Variants in XPNPEP1 observed in about 807,000 individuals in gnomAD.
XPNPEP1 encodes X-prolyl aminopeptidase 1, also known as xaa-Pro aminopeptidase 1.
Under a neutral mutation model 92.4 loss-of-function variants are expected in XPNPEP1, and 39 were observed. That is an observed-to-expected ratio of 0.42 (90% CI 0.33 to 0.55). The LOEUF (loss-of-function observed/expected upper bound fraction) is 0.55. Among genes scored for constraint, XPNPEP1 ranks in the 20% least tolerant of loss-of-function variants. The pLI is 0.08. For missense variants in XPNPEP1, 654 were observed against 856.1 expected (o/e 0.76, Z 2.95); for synonymous variants, 307 against 299.4 (o/e 1.03, Z -0.26).
chr10:109,904,902 C>T (rs1264806757), intron 3 of XPNPEP1, among the ~76,000 whole-genome samples: 1 of 152,164 alleles, frequency 6.6e-6, no homozygotes, highest in Non-Finnish European at 1.5e-5. Context: ...GGCAATCTCA[C>T]TTGTGGGCAT....
intron 2 of XPNPEP1, among the ~76,000 whole-genome samples, chr10:109,911,604 TTTA>T (rs1849877865): frequency 2.0e-5 from 3 of 152,170 alleles, no homozygotes; most frequent in African/African-American, 7.2e-5. Flanking sequence ...TCAGAATAGA[TTTA>T]TTGTGTTTTC....
At chr10:109,914,202 G>C (rs968936731) in intron 2 of XPNPEP1, among the ~76,000 whole-genome samples, 2 of 152,062 alleles carry the variant, frequency 1.3e-5, no homozygotes, top group Non-Finnish European at 2.9e-5. Context: ...CAACCCATCA[G>C]ACAATTAACC....
chr10:109,918,753 A>C (rs957192145), intron 1 of XPNPEP1, among the ~76,000 whole-genome samples: 6 of 151,236 alleles, frequency 4.0e-5, no homozygotes, highest in African/African-American at 1.5e-4. Context: ...AGAGCAAGAG[A>C]AAAGGAAAGA....
At chr10:109,919,044 T>A (rs564043002) in intron 1 of XPNPEP1, among the ~76,000 whole-genome samples, 1 of 152,198 alleles carries the variant, frequency 6.6e-6, no homozygotes, top group Admixed American at 6.5e-5. Flanking sequence ...GTAAAACTCT[T>A]ATAGCGCAAC....
chr10:109,912,031 TCTGCTTC>T (rs1237858255), intron 2 of XPNPEP1, among the ~76,000 whole-genome samples: 1 of 152,204 alleles, frequency 6.6e-6, no homozygotes, highest in Non-Finnish European at 1.5e-5. Flanking sequence ...AAAAACATCC[TCTGCTTC>T]CTGGTCATCA....
At chr10:109,912,645 G>A (rs1431074557) in intron 2 of XPNPEP1, among the ~76,000 whole-genome samples, 1 of 152,206 alleles carries the variant, frequency 6.6e-6, no homozygotes, top group Non-Finnish European at 1.5e-5. Flanking sequence ...TGTATAAGGA[G>A]TAAATGAGTT....
Position 109,893,013 on chromosome 10 carries a change from C to T in XPNPEP1, c.309G>A (p.Ala103=), listed in dbSNP as rs1259393491. ...RAFVSGFDGS[A]GTAIITEEHA... ...AACAGAGAAAAAGTAGTGACTCACC[C>T]GCAGAGCCATCGAATCCAGAGACAA... Residue 103 remains alanine (A), a splice_region_variant and synonymous_variant, in exon 4 of 21, where the codon GCG becomes GCA. Coordinates refer to ENST00000502935, the MANE Select transcript of XPNPEP1 (RefSeq NM_020383.4). 8 of 1,613,306 alleles carry T rather than the reference C, an allele frequency of 5.0e-6. No individual in the cohort carries two copies. The highest frequency in any genetic ancestry group is 2.7e-5 in the African/African-American group (2 of 74,888).
At chr10:109,865,821 A>G (rs1427856323) in intron 20 of XPNPEP1, among the ~76,000 whole-genome samples, 1 of 152,230 alleles carries the variant, frequency 6.6e-6, no homozygotes, top group African/African-American at 2.4e-5. Context: ...TGCGGTGGTT[A>G]AAGACTGTGG....
At chr10:109,886,125 A>T in intron 8 of XPNPEP1, 121 bp downstream of exon 8, 1 of 940,784 alleles carries the variant, frequency 1.1e-6, no homozygotes, top group South Asian at 1.5e-5. Context: ...CCATTTGGTG[A>T]CGTAGTCTTC....
At chr10:109,876,604 T>C (rs1347973980) in intron 14 of XPNPEP1, 1 of 152,230 alleles carries the variant, frequency 6.6e-6, no homozygotes, top group Non-Finnish European at 1.5e-5. Flanking sequence ...AACAGAAGCA[T>C]TAAGTGAGGA....
chr10:109,911,319 A>G (rs1007639367), intron 2 of XPNPEP1, among the ~76,000 whole-genome samples: 3 of 151,986 alleles, frequency 2.0e-5, no homozygotes, highest in African/African-American at 4.8e-5. Context: ...GTCTTACTAC[A>G]TTGTCCAGGC....
At chr10:109,868,242 GCCCCA>G (rs1847246678) in intron 20 of XPNPEP1, among the ~76,000 whole-genome samples, 1 of 152,056 alleles carries the variant, frequency 6.6e-6, no homozygotes, top group Admixed American at 6.5e-5. Context: ...TGGCCAAGAG[GCCCCA>G]CCATCCATCT....
intron 15 of XPNPEP1, among the ~76,000 whole-genome samples, chr10:109,874,326 A>T (rs1234554698): frequency 6.6e-6 from 1 of 152,208 alleles, no homozygotes; most frequent in African/African-American, 2.4e-5. Context: ...GCCCATCTCT[A>T]GCAAAAGAGG....
In XPNPEP1 at chr10:109,888,492, A is replaced by T; in HGVS notation, c.508+11T>A. ...TCCTTACCCAAGCAGAAAGGGACCA[A>T]GCTCACTTACCTGTAGGAATGATCA... is the stretch of plus-strand genomic sequence containing the variant. On this transcript the variant is annotated intron_variant, in intron 6 of 20. Coordinates refer to ENST00000502935, the MANE Select transcript of XPNPEP1 (RefSeq NM_020383.4). 1 of 1,602,844 alleles carries T rather than the reference A, an allele frequency of 6.2e-7. No individual in the cohort carries two copies. Among genetic ancestry groups the T allele is most frequent in the African/African-American group, 1.3e-5 (1 of 74,650 alleles).
In XPNPEP1 at chr10:109,868,666, A is replaced by C. The variant is rs762032818; in HGVS notation, c.1820T>G (p.Leu607Trp). The change falls in exon 20 of 21, where the codon TTG becomes TGG. Residue 607 changes from leucine to tryptophan, a missense_variant. Leu to Trp is a moderately conservative substitution (Grantham distance 61). Coordinates refer to ENST00000502935, the MANE Select transcript of XPNPEP1 (RefSeq NM_020383.4). ...RGSLTFEPLT[L>W]VPIQTKMIDV... The stretch of plus-strand genomic sequence containing the variant: ...TATCATTTTGGTCTGAATTGGAACC[A>C]ATGTTAGAGGTTCAAAGGTCAGGCT... 6.2e-7 allele frequency: 1 copy of C among 1,614,008 alleles called. No homozygotes were observed. Among genetic ancestry groups the C allele is most frequent in the Non-Finnish European group, 8.5e-7 (1 of 1,179,972 alleles).
chr10:109,893,925 T>A (rs1848838437), intron 3 of XPNPEP1: 1 of 152,176 alleles, frequency 6.6e-6, no homozygotes, highest in African/African-American at 2.4e-5. Flanking sequence ...ACACTTTATC[T>A]CTCGCCCTCA....
intron 3 of XPNPEP1, among the ~76,000 whole-genome samples, chr10:109,897,844 G>C (rs1383774519): frequency 1.3e-5 from 2 of 152,084 alleles, no homozygotes; most frequent in East Asian, 3.8e-4. Flanking sequence ...AGTAGAGACA[G>C]GGTTTTGCCA....
At chr10:109,923,371 C>T (rs1432948370) in intron 1 of XPNPEP1, 31 bp downstream of exon 1, 5 of 1,427,966 alleles carry the variant, frequency 3.5e-6, no homozygotes, top group Non-Finnish European at 4.6e-6. Context: ...GCACGCTGCC[C>T]GGACGCCGGC....
At chr10:109,900,443 C>A (rs1011905712) in intron 3 of XPNPEP1, among the ~76,000 whole-genome samples, 1 of 152,158 alleles carries the variant, frequency 6.6e-6, no homozygotes, top group African/African-American at 2.4e-5. Flanking sequence ...TTAACAGAGT[C>A]GCCCCAACTA....
Sources: gnomAD v4.1 joint callset for allele counts (sites outside exome capture counted in the v4.1 genomes callset) on GRCh38, gnomAD v4.1.1 for gene constraint, MANE v1.5 for transcripts, NCBI Gene and HGNC (gene_info 2026-07-23, HGNC 2026-07-21) for gene names.